Variants in FBXW7 observed in about 807,000 individuals in gnomAD.
The protein encoded by FBXW7 is F-box and WD repeat domain containing 7, also known as F-box/WD repeat-containing protein 7.
FBXW7 carries 11 observed loss-of-function variants against 86.3 expected under a neutral mutation model. The observed-to-expected ratio is 0.13, with a 90% CI of 0.08 to 0.21. The LOEUF is 0.21. Among genes scored for constraint, FBXW7 ranks in the 10% least tolerant of loss-of-function variants. The probability of loss-of-function intolerance (pLI) is 1.00; values close to 1 mark genes in which losing one functional copy is unlikely to be tolerated. For missense variants in FBXW7, 488 were observed against 847.4 expected (o/e 0.58, Z 5.27); for synonymous variants, 313 against 297.9 (o/e 1.05, Z -0.52).
At chr4:152,440,661 C>T (rs1740807439) in intron 2 of FBXW7, among the ~76,000 whole-genome samples, 1 of 152,088 alleles carries the variant, frequency 6.6e-6, no homozygotes, top group African/African-American at 2.4e-5. Context: ...ACCAGTGGAG[C>T]ACTCTTCAAA....
intron 4 of FBXW7, among the ~76,000 whole-genome samples, chr4:152,360,297 T>C (rs1429785301): frequency 6.6e-6 from 1 of 152,202 alleles, no homozygotes; most frequent in Non-Finnish European, 1.5e-5. Context: ...GGGGACTTTC[T>C]GTTTGAACAG....
intron 2 of FBXW7, among the ~76,000 whole-genome samples, chr4:152,485,842 G>T (rs375918213): frequency 6.6e-6 from 1 of 152,166 alleles, no homozygotes; most frequent in Non-Finnish European, 1.5e-5. Context: ...TTGAGTTCTC[G>T]CTGGCTAAAT....
intron 2 of FBXW7, among the ~76,000 whole-genome samples, chr4:152,507,085 C>T (rs1747496912): frequency 6.6e-6 from 1 of 152,072 alleles, no homozygotes; most frequent in African/African-American, 2.4e-5. Context: ...TTGAAGTTGT[C>T]TATTTATTAT....
intron 2 of FBXW7, among the ~76,000 whole-genome samples, chr4:152,501,824 T>C (rs1746981884): frequency 6.6e-6 from 1 of 152,180 alleles, no homozygotes; most frequent in Non-Finnish European, 1.5e-5. Context: ...ATAGATACTT[T>C]TCCACTCTCC....
intron 4 of FBXW7, among the ~76,000 whole-genome samples, chr4:152,370,012 T>C (rs1169764406): frequency 3.9e-5 from 6 of 151,994 alleles, no homozygotes; most frequent in African/African-American, 1.4e-4. Flanking sequence ...AACAAACTTC[T>C]AACAGTAACA....
rs1336731893 is a variant in FBXW7 at position 152,535,414 on chromosome 4, G to A, written c.-500C>T. Reference sequence around the variant, plus strand: ...CGGAGGGGGCTGAGGGGAGGGGGAAGGTGAGGAAAGGACGGCGGCGTCGGT... The same window carrying A: ...CGGAGGGGGCTGAGGGGAGGGGGAAAGTGAGGAAAGGACGGCGGCGTCGGT... On this transcript the variant is annotated 5_prime_UTR_variant, in exon 1 of 14. Transcript: ENST00000281708. 2 of 388,072 alleles carry A rather than the reference G, an allele frequency of 5.2e-6. No individual in the cohort carries two copies. Among genetic ancestry groups the A allele is most frequent in the Non-Finnish European group, 9.1e-6 (2 of 219,652 alleles). The allele number at this position is 388,072 out of a possible 1,614,324, so 24.0% of individuals were successfully genotyped here.
intron 2 of FBXW7, among the ~76,000 whole-genome samples, chr4:152,454,413 T>C (rs1288641075): frequency 9.2e-5 from 14 of 152,152 alleles, no homozygotes; most frequent in Admixed American, 9.2e-4. Flanking sequence ...TGTTTTCTTT[T>C]GCCTACAAAT....
chr4:152,441,356 C>T (rs1740878645), intron 2 of FBXW7, among the ~76,000 whole-genome samples: 1 of 152,084 alleles, frequency 6.6e-6, no homozygotes, highest in Non-Finnish European at 1.5e-5. Flanking sequence ...AAATTTGCTC[C>T]ATTAGTCACA....
At chr4:152,466,990 T>C (rs1743512991) in intron 2 of FBXW7, among the ~76,000 whole-genome samples, 1 of 152,146 alleles carries the variant, frequency 6.6e-6, no homozygotes, top group Admixed American at 6.5e-5. Context: ...AGTGAGATTA[T>C]CAAAATCTAT....
intron 2 of FBXW7, among the ~76,000 whole-genome samples, chr4:152,513,834 G>T (rs1748214616): frequency 6.6e-6 from 1 of 152,206 alleles, no homozygotes; most frequent in Admixed American, 6.5e-5. Context: ...ACAATTTCTT[G>T]TGGAGTCCAC....
At chr4:152,338,077 T>C (rs1392576657) in intron 6 of FBXW7, 141 bp from the exon 7 acceptor site, 2 of 571,916 alleles carry the variant, frequency 3.5e-6, no homozygotes, top group Admixed American at 8.0e-5. Context: ...AGTGACATTT[T>C]TTCCACAAGG....
intron 5 of FBXW7, among the ~76,000 whole-genome samples, 193 bp from the exon 6 acceptor site, chr4:152,347,264 T>C (rs1010398089): frequency 6.6e-6 from 1 of 152,172 alleles, no homozygotes; most frequent in African/African-American, 2.4e-5. Context: ...TTACAGTAAG[T>C]TTCCTCCCTC....
chr4:152,345,150 C>T (rs377293959), intron 6 of FBXW7, among the ~76,000 whole-genome samples: 2 of 152,048 alleles, frequency 1.3e-5, no homozygotes, highest in East Asian at 3.9e-4. Flanking sequence ...TACAAGTGTC[C>T]GAGTTTTATT....
intron 2 of FBXW7, among the ~76,000 whole-genome samples, chr4:152,528,846 G>C (rs138957202): frequency 6.6e-6 from 1 of 152,094 alleles, no homozygotes; most frequent in African/African-American, 2.4e-5. Context: ...AAAATATTTT[G>C]TAAGGTCTTT....
At chr4:152,358,929 A>T (rs527289359) in intron 4 of FBXW7, among the ~76,000 whole-genome samples, 1 of 152,336 alleles carries the variant, frequency 6.6e-6, no homozygotes, top group Admixed American at 6.5e-5. Context: ...TCCCAAGATC[A>T]ATAATTCTTA....
Position 152,323,070 on chromosome 4 carries a change from A to G in FBXW7, c.1935T>C (p.Thr645=), listed in dbSNP as rs2126464360. 6.2e-7 allele frequency: 1 copy of G among 1,613,906 alleles called. No individual in the cohort carries two copies. The highest frequency in any genetic ancestry group is 8.5e-7 in the Non-Finnish European group (1 of 1,179,856). The change falls in exon 14 of 14, where the codon ACT becomes ACC. Residue 645 remains threonine (T), a synonymous_variant. Transcript: ENST00000281708. The part of the protein sequence containing the change: ...NFVITSSDDG[T]VKLWDLKTGE... The stretch of plus-strand genomic sequence containing the variant: ...CCGTTTTCAAGTCCCATAGTTTTAC[A>G]GTTCCATCATCTGAGCTGGTAATTA...
intron 7 of FBXW7, among the ~76,000 whole-genome samples, chr4:152,335,138 T>C (rs1219458095): frequency 1.3e-5 from 2 of 152,172 alleles, no homozygotes; most frequent in African/African-American, 4.8e-5. Context: ...GGCTCTAAAA[T>C]GAACTGAATG....
At chr4:152,467,101 C>T (rs1743526183) in intron 2 of FBXW7, among the ~76,000 whole-genome samples, 1 of 152,120 alleles carries the variant, frequency 6.6e-6, no homozygotes, top group African/African-American at 2.4e-5. Context: ...TCATAATAAA[C>T]TATTGATATG....
intron 2 of FBXW7, among the ~76,000 whole-genome samples, chr4:152,430,189 A>T (rs949203441): frequency 1.3e-5 from 2 of 152,212 alleles, no homozygotes; most frequent in Non-Finnish European, 1.5e-5. Flanking sequence ...GGCTGAGTTT[A>T]GTGGTAAAAT....
Sources: allele counts gnomAD v4.1 joint callset (sites outside exome capture counted in the v4.1 genomes callset), GRCh38; gene constraint gnomAD v4.1.1; transcripts MANE v1.5; gene names NCBI Gene and HGNC (gene_info 2026-07-23, HGNC 2026-07-21).